HAUS1: variants seen among roughly 807,000 people sequenced by gnomAD.
HAUS1 encodes HAUS augmin-like complex subunit 1.
HAUS1 carries 25 observed loss-of-function variants against 38.6 expected under a neutral mutation model. The observed-to-expected ratio is 0.65, with a 90% CI of 0.47 to 0.91. The LOEUF (loss-of-function observed/expected upper bound fraction) is 0.91, where lower values mean the gene tolerates loss of function less well. Ranked by LOEUF, HAUS1 falls within the 40% of genes least tolerant of loss-of-function variation. The probability of loss-of-function intolerance (pLI) is 0.00; values close to 1 mark genes in which losing one functional copy is unlikely to be tolerated. For synonymous variants in HAUS1, 109 were observed against 112.9 expected (o/e 0.97, Z 0.22); for missense variants, 325 against 328.4 (o/e 0.99, Z 0.08).
intron 2 of HAUS1, among the ~76,000 whole-genome samples, chr18:46,108,838 G>A (rs1046438067): frequency 2.0e-5 from 3 of 152,178 alleles, no homozygotes; most frequent in Middle Eastern, 3.4e-3. Flanking sequence ...TTGGGAGGCC[G>A]AGGCGGGCGG....
At chr18:46,116,786 G>A (rs1474026831) in intron 2 of HAUS1, among the ~76,000 whole-genome samples, 2 of 151,958 alleles carry the variant, frequency 1.3e-5, no homozygotes, top group Non-Finnish European at 2.9e-5. Flanking sequence ...GCCAAGGCAG[G>A]CAGATCGCTT....
intron 2 of HAUS1, among the ~76,000 whole-genome samples, chr18:46,113,953 A>G (rs1911739896): frequency 6.6e-6 from 1 of 152,196 alleles, no homozygotes; most frequent in Non-Finnish European, 1.5e-5. Context: ...CTGAGTTGAC[A>G]GTGTTTGGGT....
chr18:46,109,178 AGGCAC>A (rs1312646050), intron 2 of HAUS1, among the ~76,000 whole-genome samples: 1 of 152,052 alleles, frequency 6.6e-6, no homozygotes, highest in Admixed American at 6.6e-5. Flanking sequence ...AGGGGAAGCA[AGGCAC>A]GTCTTACTCA....
chr18:46,105,379 G>T lies in HAUS1; in HGVS notation c.205+11G>T, dbSNP rs372078470. On this transcript the variant is annotated intron_variant, in intron 2 of 8. Coordinates refer to ENST00000282058, the MANE Select transcript of HAUS1 (RefSeq NM_138443.4). Reference sequence around the variant, plus strand: ...AATACGAGTCAGAAGGTGAGATTAAGTCCAGAGTTTTGAACGAGAATAAAT... The same window carrying T: ...AATACGAGTCAGAAGGTGAGATTAATTCCAGAGTTTTGAACGAGAATAAAT... 5 of 1,604,696 alleles carry T rather than the reference G, an allele frequency of 3.1e-6. No individual in the cohort carries two copies. The highest frequency in any genetic ancestry group is 2.2e-5 in the East Asian group (1 of 44,718).
chr18:46,108,176 T>C (rs1014041182), intron 2 of HAUS1, among the ~76,000 whole-genome samples: 3 of 152,076 alleles, frequency 2.0e-5, no homozygotes, highest in Non-Finnish European at 2.9e-5. Flanking sequence ...TTGTCCCTAA[T>C]CCTAGACAAG....
intron 2 of HAUS1, among the ~76,000 whole-genome samples, chr18:46,113,001 T>TTATATATATA (rs1911703167): frequency 8.0e-6 from 1 of 124,394 alleles, no homozygotes; most frequent in African/African-American, 3.1e-5. Flanking sequence ...ATATTCCATA[T>TTATATATATA]ATATGGAATA....
intron 6 of HAUS1, among the ~76,000 whole-genome samples, chr18:46,124,535 A>T (rs1912043788): frequency 1.3e-5 from 2 of 151,668 alleles, no homozygotes; most frequent in African/African-American, 4.8e-5. Context: ...ACCGTAAGCC[A>T]TGATTGTACC....
intron 2 of HAUS1, among the ~76,000 whole-genome samples, chr18:46,116,684 C>T (rs577474655): frequency 2.6e-5 from 4 of 152,092 alleles, no homozygotes; most frequent in Admixed American, 1.3e-4. Flanking sequence ...TCACAAAGCA[C>T]GGCATCATTA....
chr18:46,122,319 A>AAG (rs1911965147), intron 4 of HAUS1, 148 bp from the exon 5 acceptor site: 1 of 676,398 alleles, frequency 1.5e-6, no homozygotes, highest in East Asian at 2.8e-5. Context: ...AAAAAAAAAA[A>AAG]CCCAGAGTGC....
chr18:46,106,880 T>G (rs1911495441), intron 2 of HAUS1: 1 of 151,904 alleles, frequency 6.6e-6, no homozygotes, highest in Admixed American at 6.6e-5. Context: ...CCAGGTGTGG[T>G]GGTATGTGCC....
chr18:46,111,028 C>T (rs966552695), intron 2 of HAUS1, among the ~76,000 whole-genome samples: 1 of 151,852 alleles, frequency 6.6e-6, no homozygotes, highest in African/African-American at 2.4e-5. Context: ...AGGCATGGGC[C>T]ACCATGCCTG....
intron 3 of HAUS1, among the ~76,000 whole-genome samples, chr18:46,118,811 T>G (rs975437068): frequency 6.6e-6 from 1 of 152,184 alleles, no homozygotes; most frequent in Non-Finnish European, 1.5e-5. Context: ...ACCAGTCTTA[T>G]AAAGTTCATA....
chr18:46,105,590 G>A (rs8083156), intron 2 of HAUS1, among the ~76,000 whole-genome samples: 127,926 of 143,372 alleles, frequency 0.89, 56,953 homozygotes, highest in East Asian at 0.92. Flanking sequence ...GTGTGTGTGT[G>A]TGTATATATT....
At chr18:46,121,855 T>A (rs536725865) in intron 4 of HAUS1, 4 of 152,292 alleles carry the variant, frequency 2.6e-5, no homozygotes, top group South Asian at 2.1e-4. Flanking sequence ...TATTTTTTTT[T>A]ATTTGAGATG....
At chr18:46,114,229 C>T (rs1403921350) in intron 2 of HAUS1, among the ~76,000 whole-genome samples, 1 of 152,206 alleles carries the variant, frequency 6.6e-6, no homozygotes, top group Non-Finnish European at 1.5e-5. Flanking sequence ...TTGACCACAA[C>T]TTCTACTCTT....
Position 46,118,316 on chromosome 18 carries a change from G to C in HAUS1, c.341G>C (p.Ser114Thr). 2 of 1,613,474 alleles carry C rather than the reference G, an allele frequency of 1.2e-6. No individual in the cohort carries two copies. The highest frequency in any genetic ancestry group is 1.7e-6 in the Non-Finnish European group (2 of 1,179,866). The change falls in exon 3 of 9, where the codon AGT becomes ACT. Residue 114 changes from serine to threonine, a missense_variant and splice_region_variant. Transcript: ENST00000282058. ...GAAACAAAGGATACCTCGCTAGCTA[G>C]GTAATTCTTATGACAGTTTTAATTT... ...ALETKDTSLASFIPAVNDLTS... is the reference protein window; with the variant it reads ...ALETKDTSLATFIPAVNDLTS...
intron 4 of HAUS1, among the ~76,000 whole-genome samples, chr18:46,120,792 G>A (rs1382937231): frequency 2.6e-5 from 4 of 151,892 alleles, no homozygotes; most frequent in African/African-American, 9.7e-5. Flanking sequence ...CACCATATTG[G>A]CCAGGCTGGT....
chr18:46,124,773 G>T, intron 6 of HAUS1, 49 bp from the exon 7 acceptor site: 1 of 960,140 alleles, frequency 1.0e-6, no homozygotes, highest in Non-Finnish European at 1.7e-6. Context: ...AGTATTAGTT[G>T]CATTGTGAAT....
intron 5 of HAUS1, 57 bp from the exon 6 acceptor site, chr18:46,123,242 A>T: frequency 1.8e-6 from 2 of 1,134,114 alleles, no homozygotes; most frequent in East Asian, 2.3e-5. Flanking sequence ...AAAATATTTG[A>T]TGGTGGTCAC....
Sources: allele counts gnomAD v4.1 joint callset (sites outside exome capture counted in the v4.1 genomes callset), GRCh38; gene constraint gnomAD v4.1.1; transcripts MANE v1.5; gene names NCBI Gene and HGNC (gene_info 2026-07-23, HGNC 2026-07-21).